CORIN: variants seen among roughly 807,000 people sequenced by gnomAD.
CORIN encodes atrial natriuretic peptide-converting enzyme.
In CORIN, 117 loss-of-function variants were observed where a neutral mutation model predicts 125.3. The ratio of observed to expected loss-of-function variants is 0.93; its 90% CI spans 0.80 to 1.09. CORIN has a LOEUF of 1.09. CORIN is among the 50% of genes least tolerant of loss of function. The probability of loss-of-function intolerance (pLI) is 0.00; values close to 1 mark genes in which losing one functional copy is unlikely to be tolerated. For synonymous variants in CORIN, 450 were observed against 466.4 expected (o/e 0.96, Z 0.45); for missense variants, 1,253 against 1,306.7 (o/e 0.96, Z 0.63).
At chr4:47,660,247 T>A (rs1724184514) in intron 12 of CORIN, among the ~76,000 whole-genome samples, 1 of 152,080 alleles carries the variant, frequency 6.6e-6, no homozygotes, top group Non-Finnish European at 1.5e-5. Flanking sequence ...AAGAAAACAT[T>A]GGGGAAACTT....
intron 1 of CORIN, among the ~76,000 whole-genome samples, chr4:47,812,978 C>T (rs1259895162): frequency 1.3e-5 from 2 of 152,122 alleles, no homozygotes; most frequent in Non-Finnish European, 2.9e-5. Context: ...ACCACAATTG[C>T]ATACTAATAT....
chr4:47,744,484 T>C lies in CORIN; in HGVS notation c.717A>G (p.Arg239=). 1 of 1,613,934 alleles carries C rather than the reference T, an allele frequency of 6.2e-7. No individual in the cohort carries two copies. Among genetic ancestry groups the C allele is most frequent in the Non-Finnish European group, 8.5e-7 (1 of 1,179,992 alleles). The part of the protein sequence containing the change: ...MVNYSWPDFL[R]CSQFRNQTES... Reference sequence around the variant, plus strand: ...CAGTTTGGTTTCTAAACTGGGAGCATCTGAGGAAATCCGGCCAGGAGTAAT... The same window carrying C: ...CAGTTTGGTTTCTAAACTGGGAGCACCTGAGGAAATCCGGCCAGGAGTAAT... The change falls in exon 5 of 22, where the codon AGA becomes AGG. Residue 239 remains arginine, a synonymous_variant. Coordinates refer to ENST00000273857, the MANE Select transcript of CORIN (RefSeq NM_006587.4).
intron 5 of CORIN, 75 bp downstream of exon 5, chr4:47,744,327 A>G: frequency 7.5e-7 from 1 of 1,324,598 alleles, no homozygotes; most frequent in East Asian, 2.3e-5. Flanking sequence ...TACACTTATT[A>G]TTTATATCCA....
rs909146371 is a variant in CORIN, at chr4:47,607,407, C to CA, written c.2541-3740dup. 8.7e-3 allele frequency among the ~76,000 whole-genome samples: 1,193 copies of CA among 136,504 alleles called. 10 individuals are homozygous for CA. Among genetic ancestry groups the CA allele is most frequent in the South Asian group, 0.021 (92 of 4,308 alleles). 89.6% of individuals were successfully genotyped at this position (136,504 alleles called of 152,430 possible). On this transcript the variant is annotated intron_variant, in intron 19 of 21. Coordinates refer to ENST00000273857, the MANE Select transcript of CORIN (RefSeq NM_006587.4). ...TGGGCGACAGAGTGAGACTCCATCT[C>CA]AAAAAAAAAAAATTCCACCAAAAGA... is the stretch of plus-strand genomic sequence containing the variant.
At chr4:47,614,246 G>A (rs892618689) in intron 19 of CORIN, among the ~76,000 whole-genome samples, 9 of 152,172 alleles carry the variant, frequency 5.9e-5, no homozygotes, top group Admixed American at 3.3e-4. Flanking sequence ...AGGCTGGAGT[G>A]CAATGGCATG....
At chr4:47,817,065 A>G (rs1732303861) in intron 1 of CORIN, among the ~76,000 whole-genome samples, 2 of 152,102 alleles carry the variant, frequency 1.3e-5, no homozygotes, top group Non-Finnish European at 2.9e-5. Flanking sequence ...ATTAATAAAC[A>G]CTAGCTCTTT....
rs753194647 is a variant in CORIN, at chr4:47,693,058, A to T, written c.825T>A (p.Phe275Leu). The change falls in exon 6 of 22, where the codon TTT becomes TTA. Residue 275 changes from phenylalanine (F) to leucine (L), a missense_variant. Phe to Leu is a conservative substitution (Grantham distance 22). Transcript: ENST00000273857. ...KQLLCGRGEN[F>L]LCASGICIPG... ...GGATGCAGATTCCACTGGCACACAGAAAGTTCTCACCCCTTCCACAGAGCA... is the reference window on the plus strand; with the variant it reads ...GGATGCAGATTCCACTGGCACACAGTAAGTTCTCACCCCTTCCACAGAGCA... The T allele has an allele frequency of 1.5e-5, 25 of 1,613,536 alleles. No individual in the cohort carries two copies. The highest frequency in any genetic ancestry group is 6.7e-5 in the East Asian group (3 of 44,882).
chr4:47,814,654 T>A (rs1390534789), intron 1 of CORIN, among the ~76,000 whole-genome samples: 2 of 152,138 alleles, frequency 1.3e-5, no homozygotes, highest in African/African-American at 2.4e-5. Flanking sequence ...TCCAAAATCA[T>A]CATGTCTTTT....
In CORIN at chr4:47,594,407, TAATTA is replaced by T. The variant is rs2109491558; in HGVS notation, c.*1309_*1313del. On this transcript the variant is annotated 3_prime_UTR_variant, in exon 22 of 22. Transcript: ENST00000273857. ...TTAAAAGGCAAAATGGATGCCTGAC[TAATTA>T]AATTAAGTATATATGAAGATTTGTG... 1 of 152,738 alleles carries T rather than the reference TAATTA, an allele frequency of 6.5e-6. No homozygotes were observed. Among genetic ancestry groups the T allele is most frequent in the South Asian group, 2.1e-4 (1 of 4,832 alleles). 9.5% of individuals were successfully genotyped at this position (152,738 alleles called of 1,614,324 possible).
chr4:47,672,684 GTTCTATTTAAATCAGT>G (rs978578295), intron 10 of CORIN, among the ~76,000 whole-genome samples: 5 of 151,924 alleles, frequency 3.3e-5, no homozygotes, highest in Non-Finnish European at 4.4e-5. Flanking sequence ...CTATAGATAT[GTTCTATTTAAATCAGT>G]TTCTATTTAA....
intron 8 of CORIN, among the ~76,000 whole-genome samples, chr4:47,678,858 G>A (rs1725139041): frequency 6.6e-6 from 1 of 152,156 alleles, no homozygotes; most frequent in South Asian, 2.1e-4. Context: ...GCTTCTCCAA[G>A]ATCTAGTGAG....
chr4:47,702,534 T>G (rs1317939796), intron 5 of CORIN, among the ~76,000 whole-genome samples: 1 of 152,326 alleles, frequency 6.6e-6, no homozygotes, highest in South Asian at 2.1e-4. Flanking sequence ...TTCTTATTCG[T>G]TGGGCTATAC....
intron 2 of CORIN, among the ~76,000 whole-genome samples, chr4:47,804,776 TAGAA>T (rs953905640): frequency 6.6e-6 from 1 of 151,120 alleles, no homozygotes. Context: ...TATGTATAGT[TAGAA>T]AGAATGAATA....
At chr4:47,813,242 C>T (rs961623414) in intron 1 of CORIN, among the ~76,000 whole-genome samples, 2 of 152,170 alleles carry the variant, frequency 1.3e-5, no homozygotes, top group Non-Finnish European at 2.9e-5. Context: ...GCTGCATTTG[C>T]CTCAAAAACT....
intron 5 of CORIN, among the ~76,000 whole-genome samples, chr4:47,736,665 A>T (rs1201314974): frequency 6.6e-6 from 1 of 152,108 alleles, no homozygotes; most frequent in Non-Finnish European, 1.5e-5. Flanking sequence ...CCCCAGTATC[A>T]GTCGTTCCCC....
At chr4:47,706,869 C>G in intron 5 of CORIN, 1 of 1,598,976 alleles carries the variant, frequency 6.3e-7, no homozygotes, top group Non-Finnish European at 8.5e-7. Flanking sequence ...GGGCTGACAT[C>G]TGCAGGCCGA....
Position 47,655,650 on chromosome 4 carries a change from C to T in CORIN, c.1736-1990G>A, listed in dbSNP as rs556120136. Among the ~76,000 whole-genome samples, 26 of 152,130 alleles carry T rather than the reference C, an allele frequency of 1.7e-4. No individual in the cohort carries two copies. In the East Asian group the frequency reaches 2.7e-3, roughly 16 times the overall value. ...GAAGAACTTTGACTTGTGGCTTGGG[C>T]GCCAATACTGCAGAAATTCAAAGGA... On this transcript the variant is annotated intron_variant, in intron 12 of 21. Transcript: ENST00000273857.
intron 2 of CORIN, among the ~76,000 whole-genome samples, chr4:47,789,972 A>C (rs1368235880): frequency 6.6e-6 from 1 of 152,196 alleles, no homozygotes; most frequent in Non-Finnish European, 1.5e-5. Context: ...CAGTGAGCTG[A>C]GATCGCGCCA....
chr4:47,830,369 C>T (rs1732928601), intron 1 of CORIN, among the ~76,000 whole-genome samples: 1 of 152,176 alleles, frequency 6.6e-6, no homozygotes, highest in African/African-American at 2.4e-5. Context: ...ACATAAAAGG[C>T]ACCAGGTTCT....
Sources: allele counts gnomAD v4.1 joint callset (sites outside exome capture counted in the v4.1 genomes callset), GRCh38; gene constraint gnomAD v4.1.1; transcripts MANE v1.5; gene names NCBI Gene and HGNC (gene_info 2026-07-23, HGNC 2026-07-21).